PEPD: variants seen among roughly 807,000 people sequenced by gnomAD.
PEPD encodes xaa-Pro dipeptidase.
A neutral mutation model predicts 60.7 loss-of-function variants in PEPD; 53 were observed. The ratio of observed to expected loss-of-function variants is 0.87; its 90% CI spans 0.70 to 1.10. The LOEUF (loss-of-function observed/expected upper bound fraction) is 1.10. Among genes scored for constraint, PEPD ranks in the 50% least tolerant of loss-of-function variants. PEPD has a pLI of 0.00. For synonymous variants in PEPD, 267 were observed against 284.1 expected (o/e 0.94, Z 0.60); for missense variants, 711 against 711.9 (o/e 1.00, Z 0.01).
At chr19:33,462,478 G>C (rs1156409796) in intron 9 of PEPD, among the ~76,000 whole-genome samples, 1 of 152,176 alleles carries the variant, frequency 6.6e-6, no homozygotes, top group African/African-American at 2.4e-5. Flanking sequence ...AGCTGGCCAG[G>C]CCACACCCGC....
At chr19:33,401,028 G>A (rs183288377) in intron 12 of PEPD, among the ~76,000 whole-genome samples, 2 of 152,296 alleles carry the variant, frequency 1.3e-5, no homozygotes, top group Admixed American at 6.5e-5. Flanking sequence ...AGACATCAAC[G>A]GCGCGCGGTG....
At chr19:33,399,301 C>CA (rs773009980) in intron 12 of PEPD, among the ~76,000 whole-genome samples, 14 of 152,372 alleles carry the variant, frequency 9.2e-5, no homozygotes, top group Admixed American at 5.9e-4. Context: ...TTAAGCAAAG[C>CA]AATTCCGCAG....
intron 12 of PEPD, among the ~76,000 whole-genome samples, chr19:33,397,662 C>T (rs1179998301): frequency 6.6e-6 from 1 of 151,934 alleles, no homozygotes; most frequent in Non-Finnish European, 1.5e-5. Flanking sequence ...CCTCCAGACC[C>T]CAGGCTGGGT....
intron 9 of PEPD, among the ~76,000 whole-genome samples, chr19:33,446,427 G>A (rs946527595): frequency 7.2e-5 from 11 of 152,214 alleles, no homozygotes; most frequent in African/African-American, 2.4e-4. Context: ...GGTCATCCTG[G>A]CTGCTAAGAC....
intron 9 of PEPD, among the ~76,000 whole-genome samples, chr19:33,454,388 G>C (rs1474032953): frequency 6.6e-6 from 1 of 152,166 alleles, no homozygotes; most frequent in African/African-American, 2.4e-5. Flanking sequence ...GATCACTTGA[G>C]GGCAAGAGTT....
At chr19:33,396,406 C>T (rs74949943) in intron 12 of PEPD, among the ~76,000 whole-genome samples, 3,568 of 152,256 alleles carry the variant, frequency 0.023, 66 homozygotes, top group South Asian at 0.057. Context: ...ACCTGGTCAT[C>T]CCGCGCCTCA....
intron 3 of PEPD, among the ~76,000 whole-genome samples, chr19:33,508,608 G>A (rs929526173): frequency 2.0e-5 from 3 of 152,180 alleles, no homozygotes; most frequent in Non-Finnish European, 4.4e-5. Context: ...TGCTGCTGGC[G>A]GCTGGGGTCC....
rs1444554556 is a variant in PEPD at position 33,494,289 on chromosome 19, G to T, written c.394-952C>A. The stretch of plus-strand genomic sequence containing the variant: ...CTAACTCTTTACACCCGAAACGCAG[G>T]GGGAGAGTGAGGAGAACTTGTTGTT... On this transcript the variant is annotated intron_variant, in intron 4 of 14. Coordinates refer to ENST00000244137, the MANE Select transcript of PEPD (RefSeq NM_000285.4). Among the ~76,000 whole-genome samples, 3 of 152,180 alleles carry T rather than the reference G, an allele frequency of 2.0e-5. No homozygotes were observed. In the East Asian group the frequency reaches 5.8e-4, roughly 29 times the overall value.
In PEPD at chr19:33,511,091, T is replaced by C; in HGVS notation, c.266A>G (p.Asp89Gly). 6.2e-7 allele frequency: 1 copy of C among 1,613,968 alleles called. No individual in the cohort carries two copies. The highest frequency in any genetic ancestry group is 8.5e-7 in the Non-Finnish European group (1 of 1,179,926). Residue 89 changes from aspartate (D) to glycine (G), a missense_variant, in exon 3 of 15, where the codon GAC becomes GGC. Physicochemically the swap from Asp to Gly is moderately conservative, Grantham distance 94. Coordinates refer to ENST00000244137, the MANE Select transcript of PEPD (RefSeq NM_000285.4). The part of the protein sequence containing the change: ...EPGCYGVIDV[D>G]TGKSTLFVPR... ...CACAAACAGGGTCGACTTCCCAGTG[T>C]CAACATCGATGACACCATAGCAGCC...
chr19:33,393,077 A>ACC (rs201050520), intron 12 of PEPD, among the ~76,000 whole-genome samples: 1 of 151,670 alleles, frequency 6.6e-6, no homozygotes, highest in Non-Finnish European at 1.5e-5. Context: ...ACCTGCCCCC[A>ACC]CCCCCCACAC....
Position 33,387,734 on chromosome 19 carries a change from G to A in PEPD, c.1344+156C>T, listed in dbSNP as rs1439749840. The A allele has an allele frequency of 5.2e-6, 4 of 774,440 alleles. No individual in the cohort carries two copies. The Admixed American group carries it at 6.2e-5, about 12-fold the overall frequency. 48.0% of individuals were successfully genotyped at this position (774,440 alleles called of 1,614,324 possible). A position where few individuals can be genotyped will look rare whatever the true frequency, so the allele number is the denominator to read the frequency against. ...TCTCTGTCTGTTCCTACTGAGGGGT[G>A]AGGCTCCATCCTGTGACAGACCACA... is the stretch of plus-strand genomic sequence containing the variant. On this transcript the variant is annotated intron_variant, in intron 14 of 14. Coordinates refer to ENST00000244137, the MANE Select transcript of PEPD (RefSeq NM_000285.4).
chr19:33,453,429 G>A (rs1392949421), intron 9 of PEPD, among the ~76,000 whole-genome samples: 2 of 152,272 alleles, frequency 1.3e-5, no homozygotes, highest in South Asian at 2.1e-4. Context: ...TCATCTTACC[G>A]TGCCTTGCTT....
intron 9 of PEPD, among the ~76,000 whole-genome samples, chr19:33,434,162 G>A (rs780323905): frequency 2.8e-4 from 43 of 152,178 alleles, no homozygotes; most frequent in Admixed American, 1.3e-3. Context: ...AGCGCTGTTC[G>A]TGTCCCTGAC....
intron 11 of PEPD, among the ~76,000 whole-genome samples, chr19:33,405,966 C>G (rs1568454591): frequency 6.6e-6 from 1 of 152,216 alleles, no homozygotes; most frequent in African/African-American, 2.4e-5. Context: ...TCCTGGGTGT[C>G]TGGAGGGAAC....
At chr19:33,412,601 A>AG (rs1568458235) in intron 10 of PEPD, among the ~76,000 whole-genome samples, 1 of 152,230 alleles carries the variant, frequency 6.6e-6, no homozygotes, top group African/African-American at 2.4e-5. Flanking sequence ...GTCTGTCCAA[A>AG]GGGGGGAAGG....
intron 9 of PEPD, among the ~76,000 whole-genome samples, chr19:33,456,828 C>G (rs990917629): frequency 4.6e-5 from 7 of 151,958 alleles, no homozygotes; most frequent in African/African-American, 1.7e-4. Flanking sequence ...CACTGATGCC[C>G]ACATTTGTCC....
chr19:33,435,081 C>G (rs1411089413), intron 9 of PEPD, among the ~76,000 whole-genome samples: 1 of 152,168 alleles, frequency 6.6e-6, no homozygotes, highest in Non-Finnish European at 1.5e-5. Context: ...GAACCTTGGG[C>G]GCTGGGGAGG....
chr19:33,469,282 G>A (rs573501287), intron 7 of PEPD, among the ~76,000 whole-genome samples: 49 of 152,304 alleles, frequency 3.2e-4, no homozygotes, highest in African/African-American at 1.2e-3. Context: ...GCCTGCTCCA[G>A]GAGCACTGAG....
chr19:33,413,720 G>T, intron 9 of PEPD, 77 bp from the exon 10 acceptor site: 2 of 881,206 alleles, frequency 2.3e-6, no homozygotes, highest in Non-Finnish European at 3.7e-6. Context: ...TGAACCCCAA[G>T]GGAAGGCCCT....
Sources: gnomAD v4.1 joint callset for allele counts (sites outside exome capture counted in the v4.1 genomes callset) on GRCh38, gnomAD v4.1.1 for gene constraint, MANE v1.5 for transcripts, NCBI Gene and HGNC (gene_info 2026-07-23, HGNC 2026-07-21) for gene names.